The following CCSER1 variants were observed in gnomAD, a reference collection of about 807,000 sequenced individuals.
CCSER1 encodes coiled-coil serine rich protein 1.
Under a neutral mutation model 82.0 loss-of-function variants are expected in CCSER1, and 41 were observed. That is an observed-to-expected ratio of 0.50 (90% CI 0.39 to 0.65). CCSER1 has a LOEUF of 0.65. Ranked by LOEUF, CCSER1 falls within the 30% of genes least tolerant of loss-of-function variation. The pLI is 0.00. For missense variants in CCSER1, 1,119 were observed against 1,064.2 expected (o/e 1.05, Z -0.72); for synonymous variants, 414 against 383.9 (o/e 1.08, Z -0.92).
intron 10 of CCSER1, among the ~76,000 whole-genome samples, chr4:91,554,895 T>C (rs1171404781): frequency 1.3e-5 from 2 of 151,290 alleles, no homozygotes; most frequent in Non-Finnish European, 3.0e-5. Flanking sequence ...CTTAGTATTA[T>C]TTGATATTTG....
At chr4:90,511,233 C>A (rs1771449763) in intron 5 of CCSER1, among the ~76,000 whole-genome samples, 1 of 152,096 alleles carries the variant, frequency 6.6e-6, no homozygotes, top group South Asian at 2.1e-4. Flanking sequence ...TCCTGGCCAA[C>A]ATGGTGAAAC....
chr4:91,142,890 G>T (rs572014151), intron 10 of CCSER1, among the ~76,000 whole-genome samples: 1 of 151,836 alleles, frequency 6.6e-6, no homozygotes, highest in East Asian at 1.9e-4. Flanking sequence ...AACTTTGTAG[G>T]GTAGTTTGAA....
chr4:90,584,045 A>G (rs1436062615), intron 5 of CCSER1, among the ~76,000 whole-genome samples: 1 of 152,152 alleles, frequency 6.6e-6, no homozygotes, highest in Non-Finnish European at 1.5e-5. Flanking sequence ...CTCTAAGCTG[A>G]GCACCAAGAT....
intron 9 of CCSER1, among the ~76,000 whole-genome samples, chr4:90,975,676 T>A (rs74634595): frequency 6.6e-6 from 1 of 151,288 alleles, no homozygotes; most frequent in African/African-American, 2.4e-5. Flanking sequence ...TCATTGTTAT[T>A]TTTGTTGCTA....
chr4:90,770,180 C>A (rs1231994536), intron 7 of CCSER1, among the ~76,000 whole-genome samples: 2 of 152,120 alleles, frequency 1.3e-5, no homozygotes, highest in Non-Finnish European at 2.9e-5. Context: ...GCTGAGAAGA[C>A]CATAGCCCTG....
chr4:91,598,827 G>C lies in CCSER1; in HGVS notation c.2473G>C (p.Val825Leu). The stretch of plus-strand genomic sequence containing the variant: ...CGTTACACAGAACTTACGGGCCACC[G>C]TTGGGCAGAGCTCTCTGAAGCCAAC... ...SDVTQNLRATVGQSSLKPTAK... is the reference protein window; with the variant it reads ...SDVTQNLRATLGQSSLKPTAK... Residue 825 changes from valine (V) to leucine (L), a missense_variant, in exon 11 of 11, where the codon GTT becomes CTT. Coordinates refer to ENST00000509176, the MANE Select transcript of CCSER1 (RefSeq NM_001145065.2). 6 of 1,551,618 alleles carry C rather than the reference G, an allele frequency of 3.9e-6. No individual in the cohort carries two copies. Among genetic ancestry groups the C allele is most frequent in the Non-Finnish European group, 5.2e-6 (6 of 1,146,924 alleles).
At chr4:90,314,596 A>G (rs1037782128) in intron 3 of CCSER1, among the ~76,000 whole-genome samples, 1 of 151,918 alleles carries the variant, frequency 6.6e-6, no homozygotes, top group East Asian at 1.9e-4. Flanking sequence ...CTCTAAAAAA[A>G]AATTTAATAA....
intron 1 of CCSER1, among the ~76,000 whole-genome samples, chr4:90,221,283 GTTCTCTT>G (rs1341922514): frequency 9.2e-5 from 14 of 152,082 alleles, no homozygotes; most frequent in Admixed American, 6.6e-5. Flanking sequence ...AAGAGGTTAT[GTTCTCTT>G]GATGCTTAGA....
chr4:90,318,787 A>G (rs1182296364), intron 3 of CCSER1, among the ~76,000 whole-genome samples: 2 of 152,108 alleles, frequency 1.3e-5, no homozygotes, highest in African/African-American at 2.4e-5. Context: ...TCATTTCTTC[A>G]TTCATTAAAA....
At chr4:90,810,074 C>T (rs1230402578) in intron 7 of CCSER1, among the ~76,000 whole-genome samples, 1 of 152,078 alleles carries the variant, frequency 6.6e-6, no homozygotes, top group Non-Finnish European at 1.5e-5. Flanking sequence ...GGGTATACTG[C>T]TGTTTATACT....
At chr4:91,059,266 T>C (rs977339409) in intron 9 of CCSER1, among the ~76,000 whole-genome samples, 2 of 146,342 alleles carry the variant, frequency 1.4e-5, no homozygotes, top group African/African-American at 5.2e-5. Context: ...GTTTTTTTTT[T>C]CTGAACCACA....
chr4:91,072,043 A>T (rs72667582), intron 9 of CCSER1, among the ~76,000 whole-genome samples: 5,825 of 152,266 alleles, frequency 0.038, 154 homozygotes, highest in Non-Finnish European at 0.059. Context: ...AGGTATGAGC[A>T]TCAGACATGC....
At chr4:90,521,818 G>A (rs1053307637) in intron 5 of CCSER1, among the ~76,000 whole-genome samples, 2 of 151,936 alleles carry the variant, frequency 1.3e-5, no homozygotes, top group African/African-American at 4.8e-5. Flanking sequence ...CTGAAACAGG[G>A]GACATTAATA....
At chr4:91,269,449 A>T (rs1387863372) in intron 10 of CCSER1, among the ~76,000 whole-genome samples, 3 of 152,210 alleles carry the variant, frequency 2.0e-5, no homozygotes, top group Non-Finnish European at 4.4e-5. Flanking sequence ...GCTACATAAA[A>T]GCTTGAAGGA....
At chr4:91,218,899 A>G (rs1228938073) in intron 10 of CCSER1, among the ~76,000 whole-genome samples, 1 of 152,222 alleles carries the variant, frequency 6.6e-6, no homozygotes, top group Non-Finnish European at 1.5e-5. Flanking sequence ...TAATTGACGT[A>G]ATGTCAACAC....
At chr4:90,368,393 T>C (rs1452995976) in intron 3 of CCSER1, among the ~76,000 whole-genome samples, 1 of 151,860 alleles carries the variant, frequency 6.6e-6, no homozygotes, top group Non-Finnish European at 1.5e-5. Context: ...CCCAATACTT[T>C]TGGAGACCAG....
At chr4:91,324,620 A>C (rs1318274577) in intron 10 of CCSER1, among the ~76,000 whole-genome samples, 1 of 152,196 alleles carries the variant, frequency 6.6e-6, no homozygotes, top group Non-Finnish European at 1.5e-5. Flanking sequence ...CAGTGTTATC[A>C]ATTAGTGATG....
intron 3 of CCSER1, among the ~76,000 whole-genome samples, chr4:90,382,071 A>T (rs1315215792): frequency 6.6e-6 from 1 of 151,998 alleles, no homozygotes; most frequent in Non-Finnish European, 1.5e-5. Flanking sequence ...TTTGTGTCTA[A>T]TTTTTTGAGT....
intron 10 of CCSER1, among the ~76,000 whole-genome samples, chr4:91,272,611 G>T (rs150846495): frequency 1.3e-5 from 2 of 151,946 alleles, no homozygotes; most frequent in African/African-American, 2.4e-5. Context: ...ATTAAGTCCC[G>T]GCTATTTATC....
Sources: gnomAD v4.1 joint callset for allele counts (sites outside exome capture counted in the v4.1 genomes callset) on GRCh38, gnomAD v4.1.1 for gene constraint, MANE v1.5 for transcripts, NCBI Gene and HGNC (gene_info 2026-07-23, HGNC 2026-07-21) for gene names.